Variants in THRAP3 observed in about 807,000 individuals in gnomAD.
THRAP3 encodes thyroid hormone receptor-associated protein 3.
A neutral mutation model predicts 101.0 loss-of-function variants in THRAP3; 16 were observed. The ratio of observed to expected loss-of-function variants is 0.16; its 90% CI spans 0.11 to 0.24. The LOEUF (loss-of-function observed/expected upper bound fraction) is 0.24. THRAP3 is among the 10% of genes least tolerant of loss of function. The pLI is 1.00. For missense variants in THRAP3, 989 were observed against 1,202.7 expected (o/e 0.82, Z 2.63); for synonymous variants, 407 against 422.6 (o/e 0.96, Z 0.45).
intron 1 of THRAP3, among the ~76,000 whole-genome samples, chr1:36,239,284 G>A (rs1447324272): frequency 8.4e-6 from 1 of 119,436 alleles, no homozygotes; most frequent in Non-Finnish European, 1.6e-5. Context: ...TTTTGAGTCA[G>A]CTTCTCGCTC....
chr1:36,296,799 A>C (rs770790021), intron 9 of THRAP3, 29 bp downstream of exon 9: 1 of 1,525,318 alleles, frequency 6.6e-7, no homozygotes, highest in Admixed American at 2.4e-5. Context: ...CCCCTTCCAG[A>C]CTCTTAAGTT....
rs1241368025 is a variant in THRAP3, at chr1:36,289,638, A to G, written c.1619A>G (p.Lys540Arg). The change falls in exon 5 of 12, where the codon AAG becomes AGG. Residue 540 changes from lysine (K) to arginine (R), a missense_variant. By Grantham distance (26) the Lys-to-Arg change is conservative (BLOSUM62 2). Transcript: ENST00000354618. Reference protein sequence around the residue: ...QEKSSSPPPRKTSESRDKLGA... With the variant: ...QEKSSSPPPRRTSESRDKLGA... ...AAAAGCTCATCACCTCCCCCAAGAA[A>G]GACCTCTGAGAGCCGAGACAAGCTG... is the stretch of plus-strand genomic sequence containing the variant. The G allele has an allele frequency of 6.2e-7, 1 of 1,614,206 alleles. No homozygotes were observed. The highest frequency in any genetic ancestry group is 1.1e-5 in the South Asian group (1 of 91,074).
intron 1 of THRAP3, among the ~76,000 whole-genome samples, chr1:36,255,585 A>G (rs1447816160): frequency 2.6e-5 from 4 of 151,896 alleles, no homozygotes; most frequent in African/African-American, 9.7e-5. Context: ...CCTGGGTAAC[A>G]TGGTGAAACC....
At chr1:36,287,666 T>A in intron 4 of THRAP3, 2 of 985,448 alleles carry the variant, frequency 2.0e-6, no homozygotes, top group Non-Finnish European at 2.4e-6. Context: ...CTATGTTCGA[T>A]CTGCATCAGC....
At chr1:36,247,490 A>C (rs563432214) in intron 1 of THRAP3, among the ~76,000 whole-genome samples, 14 of 151,724 alleles carry the variant, frequency 9.2e-5, no homozygotes, top group African/African-American at 3.4e-4. Context: ...ATACCCCACT[A>C]ATTTTTTGTA....
chr1:36,233,175 T>C (rs1037038653), intron 1 of THRAP3, among the ~76,000 whole-genome samples: 2 of 149,124 alleles, frequency 1.3e-5, no homozygotes, highest in Admixed American at 6.7e-5. Flanking sequence ...GCCATCGAAC[T>C]GTATTCTTAA....
At chr1:36,207,867 A>G in the THRAP3 span, among the ~76,000 whole-genome samples, 1 of 152,106 alleles carries the variant, frequency 6.6e-6, no homozygotes, top group Non-Finnish European at 1.5e-5. Context: ...ATCTTGGCTC[A>G]CTGCAACCTC....
At chr1:36,297,211 A>G (rs1645964271) in intron 9 of THRAP3, among the ~76,000 whole-genome samples, 1 of 152,210 alleles carries the variant, frequency 6.6e-6, no homozygotes, top group African/African-American at 2.4e-5. Context: ...AGTGCCTTTT[A>G]AACTAGTTTT....
At chr1:36,285,809 G>A (rs372619636) in intron 3 of THRAP3, among the ~76,000 whole-genome samples, 5 of 152,310 alleles carry the variant, frequency 3.3e-5, no homozygotes, top group African/African-American at 1.2e-4. Flanking sequence ...TCTTTGGTGT[G>A]TACCTGTTGT....
rs1430711824 is a variant in THRAP3 at position 36,255,783 on chromosome 1, AAAG to A, written c.-134-3596_-134-3594del. 5.0e-4 allele frequency among the ~76,000 whole-genome samples: 76 copies of A among 151,314 alleles called. 1 individual carries two copies. The highest frequency in any genetic ancestry group is 1.4e-3 in the Admixed American group (22 of 15,176). ...GTGAGACTCTGTCTCAAAAAAAAAA[AAAG>A]AAAAGAAAGAAAGATTGCCAGGGGT... On this transcript the variant is annotated intron_variant, in intron 1 of 11. Coordinates refer to ENST00000354618, the MANE Select transcript of THRAP3 (RefSeq NM_005119.4).
chr1:36,218,700 C>T, the THRAP3 span, among the ~76,000 whole-genome samples: 11 of 151,560 alleles, frequency 7.3e-5, no homozygotes, highest in East Asian at 1.2e-3. Context: ...CCAGCCTGGG[C>T]GACAGAGCCA....
rs567084817 is a variant in THRAP3, at chr1:36,230,742, A to T, written c.-135+6237A>T. On this transcript the variant is annotated intron_variant, in intron 1 of 11. Transcript: ENST00000354618. ...ACATGTATTTAGGCAGATGTTTTCA[A>T]CCTCTGCCTAAAAAGTTTTATGGAC... Among the ~76,000 whole-genome samples, 26 of 152,236 alleles carry T rather than the reference A, an allele frequency of 1.7e-4. 1 individual carries two copies. In the East Asian group the frequency reaches 4.8e-3, roughly 28 times the overall value.
chr1:36,225,788 T>C (rs1406001184), intron 1 of THRAP3, among the ~76,000 whole-genome samples: 2 of 152,240 alleles, frequency 1.3e-5, no homozygotes, highest in Admixed American at 1.3e-4. Context: ...GCTCAGTTTG[T>C]TCTTTGCCGG....
At chr1:36,270,722 C>T (rs984367785) in intron 2 of THRAP3, among the ~76,000 whole-genome samples, 1 of 151,656 alleles carries the variant, frequency 6.6e-6, no homozygotes, top group African/African-American at 2.4e-5. Context: ...GGATTACAGG[C>T]ATGCCCCACC....
chr1:36,215,807 C>T, the THRAP3 span, among the ~76,000 whole-genome samples: 2 of 150,794 alleles, frequency 1.3e-5, no homozygotes, highest in African/African-American at 2.4e-5. Flanking sequence ...TGGAGTGCAA[C>T]GGCACGATCT....
intron 2 of THRAP3, among the ~76,000 whole-genome samples, chr1:36,272,336 C>G (rs1051246253): frequency 2.0e-5 from 3 of 152,042 alleles, no homozygotes; most frequent in Non-Finnish European, 4.4e-5. Flanking sequence ...ACTGATTTAC[C>G]TTACTTAATA....
intron 4 of THRAP3, chr1:36,287,889 T>G: frequency 3.0e-6 from 3 of 985,418 alleles, no homozygotes; most frequent in Non-Finnish European, 3.6e-6. Flanking sequence ...GGAACATGAA[T>G]CTTTGTTTGT....
intron 2 of THRAP3, among the ~76,000 whole-genome samples, chr1:36,281,736 A>G (rs564375613): frequency 6.6e-6 from 1 of 152,162 alleles, no homozygotes; most frequent in South Asian, 2.1e-4. Flanking sequence ...AGTAGCTAGG[A>G]CTACAGGCCC....
At chr1:36,284,514 A>G (rs1010790444) in intron 3 of THRAP3, among the ~76,000 whole-genome samples, 9 of 152,210 alleles carry the variant, frequency 5.9e-5, no homozygotes, top group African/African-American at 1.9e-4. Flanking sequence ...TCCTGCAAGG[A>G]AAGTATCTAT....
Sources: gnomAD v4.1 joint callset for allele counts (sites outside exome capture counted in the v4.1 genomes callset) on GRCh38, gnomAD v4.1.1 for gene constraint, MANE v1.5 for transcripts, NCBI Gene and HGNC (gene_info 2026-07-23, HGNC 2026-07-21) for gene names.